Variants in HERC4 observed in about 807,000 individuals in gnomAD.
HERC4 encodes the protein HECT and RLD domain containing E3 ubiquitin protein ligase 4, also known as probable E3 ubiquitin-protein ligase HERC4.
In HERC4, 28 loss-of-function variants were observed where a neutral mutation model predicts 124.3. The ratio of observed to expected loss-of-function variants is 0.23; its 90% CI spans 0.17 to 0.31. The LOEUF (loss-of-function observed/expected upper bound fraction) is 0.31, where lower values mean the gene tolerates loss of function less well. Ranked by LOEUF, HERC4 falls within the 10% of genes least tolerant of loss-of-function variation. The pLI, the probability that HERC4 is intolerant of heterozygous loss-of-function variation, is 1.00. For missense variants in HERC4, 713 were observed against 1,229.3 expected (o/e 0.58, Z 6.28); for synonymous variants, 407 against 421.5 (o/e 0.97, Z 0.42).
intron 15 of HERC4, among the ~76,000 whole-genome samples, chr10:67,969,510 T>A (rs2035099954): frequency 6.6e-6 from 1 of 152,046 alleles, no homozygotes; most frequent in African/African-American, 2.4e-5. Context: ...AGAGCCTCTC[T>A]CAATGGTACA....
chr10:68,043,402 T>C (rs1017480780), intron 4 of HERC4, among the ~76,000 whole-genome samples: 1 of 152,202 alleles, frequency 6.6e-6, no homozygotes, highest in Non-Finnish European at 1.5e-5. Flanking sequence ...AGGTCAGAAT[T>C]TGTGTAAATT....
intron 15 of HERC4, among the ~76,000 whole-genome samples, chr10:67,968,636 A>G (rs914292762): frequency 3.9e-5 from 6 of 152,072 alleles, no homozygotes; most frequent in African/African-American, 1.4e-4. Flanking sequence ...TGGCCTCCCA[A>G]AGTGCTGGGA....
chr10:67,959,037 C>G (rs994530476), intron 16 of HERC4: 1 of 1,258,482 alleles, frequency 7.9e-7, no homozygotes, highest in Non-Finnish European at 1.1e-6. Context: ...AAAAACGAAT[C>G]TTTGGCTCTT....
chr10:67,993,548 A>T (rs1020368859), intron 9 of HERC4: 1 of 152,234 alleles, frequency 6.6e-6, no homozygotes, highest in Admixed American at 6.5e-5. Flanking sequence ...ATTATTCTTA[A>T]AAAGAAACAG....
At chr10:67,953,966 G>C (rs1220049776) in intron 19 of HERC4, among the ~76,000 whole-genome samples, 1 of 152,152 alleles carries the variant, frequency 6.6e-6, no homozygotes, top group East Asian at 1.9e-4. Context: ...ACAACCAATA[G>C]CTATTCTATC....
chr10:67,995,100 A>G, intron 9 of HERC4: 1 of 321,950 alleles, frequency 3.1e-6, no homozygotes, highest in East Asian at 9.0e-5. Flanking sequence ...GGTTTCTCCT[A>G]ACATTTGGCT....
At chr10:68,071,022 C>T (rs544769106) in intron 3 of HERC4, among the ~76,000 whole-genome samples, 3 of 152,210 alleles carry the variant, frequency 2.0e-5, no homozygotes, top group Non-Finnish European at 2.9e-5. Flanking sequence ...TAACTCCCAA[C>T]CCAGACTCTA....
intron 9 of HERC4, among the ~76,000 whole-genome samples, chr10:68,001,965 G>A (rs1230271229): frequency 1.3e-5 from 2 of 152,054 alleles, no homozygotes; most frequent in African/African-American, 4.8e-5. Flanking sequence ...GCTGATGGAC[G>A]TGGGTTGTTT....
At chr10:68,010,151 T>C in intron 9 of HERC4, 2 of 914,096 alleles carry the variant, frequency 2.2e-6, no homozygotes, top group Non-Finnish European at 3.4e-6. Context: ...CCGGGTTCTC[T>C]TTCCCTAGCT....
chr10:67,963,104 A>T (rs977187728), intron 16 of HERC4, among the ~76,000 whole-genome samples: 1 of 152,240 alleles, frequency 6.6e-6, no homozygotes, highest in African/African-American at 2.4e-5. Flanking sequence ...GCACTCTCAT[A>T]AAAGTTACTC....
chr10:68,044,318 C>G, intron 4 of HERC4, 86 bp downstream of exon 4: 3 of 1,314,520 alleles, frequency 2.3e-6, no homozygotes, highest in Non-Finnish European at 3.1e-6. Flanking sequence ...TCAACTCTTA[C>G]AGGCCCAAAG....
At chr10:68,030,715 A>G (rs943540561) in intron 7 of HERC4, among the ~76,000 whole-genome samples, 1 of 152,206 alleles carries the variant, frequency 6.6e-6, no homozygotes, top group Non-Finnish European at 1.5e-5. Context: ...TGCACACACA[A>G]TTTCAAATCT....
chr10:67,955,450 G>C (rs1273608729), intron 17 of HERC4: 1 of 195,948 alleles, frequency 5.1e-6, no homozygotes, highest in African/African-American at 2.4e-5. Flanking sequence ...AGGGTAAAGA[G>C]GGAGGAGCAA....
intron 9 of HERC4, among the ~76,000 whole-genome samples, chr10:68,000,308 G>C (rs1408644626): frequency 6.6e-6 from 1 of 152,168 alleles, no homozygotes; most frequent in Non-Finnish European, 1.5e-5. Context: ...GCAAGGCACG[G>C]TGGCTCATGC....
chr10:68,059,466 T>TTATATATTATAATAA (rs1564606693), intron 3 of HERC4, among the ~76,000 whole-genome samples: 3 of 132,180 alleles, frequency 2.3e-5, no homozygotes, highest in African/African-American at 8.6e-5. Context: ...TATAATAATA[T>TTATATATTATAATAA]TATATATTAT....
chr10:68,057,195 TCAA>T (rs768429451), intron 3 of HERC4, among the ~76,000 whole-genome samples: 4 of 152,166 alleles, frequency 2.6e-5, no homozygotes, highest in Non-Finnish European at 5.9e-5. Context: ...ACACAGTTTA[TCAA>T]CAACACACTA....
At chr10:67,944,194 T>C (rs923909723) in intron 19 of HERC4, among the ~76,000 whole-genome samples, 5 of 152,208 alleles carry the variant, frequency 3.3e-5, no homozygotes, top group Admixed American at 6.5e-5. Flanking sequence ...GTCCCAGTAG[T>C]GGTGTCTACA....
intron 22 of HERC4, among the ~76,000 whole-genome samples, chr10:67,933,056 C>CA (rs1355293593): frequency 6.6e-6 from 1 of 152,076 alleles, no homozygotes; most frequent in Non-Finnish European, 1.5e-5. Flanking sequence ...CAGAATGATG[C>CA]AAATGGCTAT....
At chr10:67,953,077 G>A (rs765496779) in intron 19 of HERC4, among the ~76,000 whole-genome samples, 1 of 151,992 alleles carries the variant, frequency 6.6e-6, no homozygotes, top group Non-Finnish European at 1.5e-5. Context: ...TTTAAAGGAG[G>A]ATAGCCCATA....
Sources: gnomAD v4.1 joint callset for allele counts (sites outside exome capture counted in the v4.1 genomes callset) on GRCh38, gnomAD v4.1.1 for gene constraint, MANE v1.5 for transcripts, NCBI Gene and HGNC (gene_info 2026-07-23, HGNC 2026-07-21) for gene names.